The following PABIR3 variants were observed in gnomAD, a reference collection of about 807,000 sequenced individuals.
The protein encoded by PABIR3 is PABIR family member 1.
PABIR3 carries 20 observed loss-of-function variants against 23.1 expected under a neutral mutation model. The ratio of observed to expected loss-of-function variants is 0.86; its 90% CI spans 0.61 to 1.26. The LOEUF (loss-of-function observed/expected upper bound fraction) is 1.26, where lower values mean the gene tolerates loss of function less well. Among genes scored for constraint, PABIR3 ranks in the 50% most tolerant of loss-of-function variants. The pLI is 0.00. For synonymous variants in PABIR3, 69 were observed against 68.5 expected, an observed-to-expected ratio of 1.01 and a Z score of -0.04; for missense variants, 189 against 195.4, an observed-to-expected ratio of 0.97 and a Z score of 0.20.
rs1389271932 is a variant in PABIR3 at position 134,845,208 on chromosome X, G to T, written c.250G>T (p.Glu84Ter). Reference sequence around the variant, plus strand: ...TCTCATTTTCCTACCTTTACAGGAAGAAGCCATGGATTTAATAAATAGAGA... The same window carrying T: ...TCTCATTTTCCTACCTTTACAGGAATAAGCCATGGATTTAATAAATAGAGA... ...ISRLHQIKQE[E>*]AMDLINRETM... The change falls in exon 5 of 11, where the codon GAA becomes TAA. Residue 84 changes from glutamate to a stop codon, truncating the protein, a stop_gained. Transcript: ENST00000645433. LOFTEE classifies it high-confidence loss of function. 1 of 1,189,835 alleles carries T rather than the reference G, an allele frequency of 8.4e-7. No individual in the cohort carries two copies. Among genetic ancestry groups the T allele is most frequent in the Non-Finnish European group, 1.1e-6 (1 of 882,566 alleles).
chrX:134,826,868 T>G (rs1160194580), intron 3 of PABIR3, among the ~76,000 whole-genome samples: 1 of 112,453 alleles, frequency 8.9e-6, no homozygotes, highest in Non-Finnish European at 1.9e-5. Flanking sequence ...TAAGCAGCAA[T>G]ATGATACATT....
chrX:134,832,549 A>T (rs2081837884), intron 4 of PABIR3, among the ~76,000 whole-genome samples: 1 of 106,576 alleles, frequency 9.4e-6, no homozygotes, highest in Admixed American at 1.0e-4. Flanking sequence ...TTATAGGCCC[A>T]CGCCACCACG....
intron 3 of PABIR3, among the ~76,000 whole-genome samples, chrX:134,815,775 G>C (rs997732368): frequency 1.8e-5 from 2 of 109,742 alleles, no homozygotes; most frequent in African/African-American, 6.6e-5. Flanking sequence ...TACCTCCTGG[G>C]TTCAAGCTAT....
At chrX:134,846,255 C>T (rs904349915) in intron 6 of PABIR3, among the ~76,000 whole-genome samples, 2 of 111,787 alleles carry the variant, frequency 1.8e-5, no homozygotes, top group African/African-American at 6.5e-5. Flanking sequence ...TATTACCTCC[C>T]ACCAGGTTCC....
upstream of PABIR3, among the ~76,000 whole-genome samples, chrX:134,803,290 GTC>G (rs747892409): frequency 6.0e-3 from 672 of 111,543 alleles, 4 homozygotes; most frequent in Non-Finnish European, 0.011. Context: ...TGTGCCCTAG[GTC>G]TCTCAGAACA....
chrX:134,813,753 A>G (rs1180986481), intron 2 of PABIR3, among the ~76,000 whole-genome samples: 1 of 111,380 alleles, frequency 9.0e-6, no homozygotes, highest in Non-Finnish European at 1.9e-5. Flanking sequence ...CAGCGGGACG[A>G]CATCTCTGAA....
the PABIR3 span, among the ~76,000 whole-genome samples, chrX:134,859,973 GT>G: frequency 8.9e-6 from 1 of 111,963 alleles, no homozygotes; most frequent in Non-Finnish European, 1.9e-5. Flanking sequence ...GAGAGGAAGG[GT>G]TTAGTTTGCT....
At chrX:134,808,972 C>T (rs780405552) in intron 2 of PABIR3, among the ~76,000 whole-genome samples, 8 of 111,159 alleles carry the variant, frequency 7.2e-5, no homozygotes, top group African/African-American at 2.3e-4. Flanking sequence ...GTATAAAGCG[C>T]AGATATACAT....
At chrX:134,829,188 CA>C in intron 3 of PABIR3, 37 bp from the exon 4 acceptor site, 2 of 1,127,501 alleles carry the variant, frequency 1.8e-6, no homozygotes, top group Admixed American at 2.2e-5. Flanking sequence ...TAATCACAAA[CA>C]TTAAAGCAAG....
chrX:134,810,991 CT>C, intron 2 of PABIR3: 3 of 753,633 alleles, frequency 4.0e-6, no homozygotes, highest in Non-Finnish European at 4.7e-6. Flanking sequence ...ATTGTTGCAC[CT>C]CTTTCAAGTA....
Position 134,854,178 on chromosome X carries a change from T to C in PABIR3, c.774T>C (p.Ser258=). ...CTGAAATCGGCACTGTCACAAACTC[T>C]CCTGTGTCACCTTCTGATACTGGTT... is the stretch of plus-strand genomic sequence containing the variant. ...SSAEIGTVTN[S]PVSPSDTGSH... Residue 258 remains serine, a synonymous_variant, in exon 11 of 11, where the codon TCT becomes TCC. Coordinates refer to ENST00000645433, the MANE Select transcript of PABIR3 (RefSeq NM_001388447.1). The C allele has an allele frequency of 8.3e-7, 1 of 1,210,714 alleles. No homozygotes were observed. Among genetic ancestry groups the C allele is most frequent in the South Asian group, 1.8e-5 (1 of 56,900 alleles).
intron 6 of PABIR3, among the ~76,000 whole-genome samples, chrX:134,845,766 C>T (rs1328629967): frequency 8.9e-6 from 1 of 112,068 alleles, no homozygotes; most frequent in African/African-American, 3.2e-5. Context: ...TCAAAGTAAA[C>T]AGTTTTGTGA....
intron 4 of PABIR3, among the ~76,000 whole-genome samples, chrX:134,840,578 G>A (rs2082197385): frequency 9.0e-6 from 1 of 110,695 alleles, no homozygotes; most frequent in African/African-American, 3.3e-5. Context: ...TGAAGAAACT[G>A]ACGCTCAGGT....
At chrX:134,814,436 G>A (rs1480613115) in intron 2 of PABIR3, among the ~76,000 whole-genome samples, 1 of 111,775 alleles carries the variant, frequency 8.9e-6, no homozygotes, top group East Asian at 2.8e-4. Context: ...GGTGGATCAC[G>A]CCTGTAATCC....
chrX:134,854,963 T>C (rs778355558), downstream of PABIR3: 1 of 112,146 alleles, frequency 8.9e-6, no homozygotes, highest in African/African-American at 3.2e-5. Context: ...TACGTTTTAT[T>C]CATCATCATG....
the PABIR3 span, among the ~76,000 whole-genome samples, chrX:134,863,625 T>C: frequency 2.7e-5 from 3 of 111,458 alleles, no homozygotes; most frequent in African/African-American, 9.8e-5. Flanking sequence ...TTGATTGGCC[T>C]CTCAACTGAG....
At chrX:134,809,863 G>A (rs2080535821) in intron 2 of PABIR3, 1 of 752,238 alleles carries the variant, frequency 1.3e-6, no homozygotes, top group African/African-American at 2.3e-5. Flanking sequence ...TGAGGTAGGA[G>A]AGAATATATT....
At chrX:134,819,378 C>T (rs1307739907) in intron 3 of PABIR3, among the ~76,000 whole-genome samples, 1 of 111,638 alleles carries the variant, frequency 9.0e-6, no homozygotes, top group Non-Finnish European at 1.9e-5. Flanking sequence ...GTCATTTTAA[C>T]TTATTGGATG....
rs1042066912 is a variant in PABIR3 at position 134,845,089 on chromosome X, C to A, written c.247-116C>A. 3.0e-5 allele frequency: 17 copies of A among 573,747 alleles called. No individual in the cohort carries two copies. The Admixed American group carries it at 5.5e-4, about 19-fold the overall frequency. The allele number at this position is 573,747 out of a possible 1,213,427, so 47.3% of individuals were successfully genotyped here. On this transcript the variant is annotated intron_variant, in intron 4 of 10. Transcript: ENST00000645433. ...ATACTTGTTTAGAGATTTATTTATT[C>A]TCTAGTTCTTCTATAGCCTAGTGAA...
Sources: gnomAD v4.1 joint callset for allele counts (sites outside exome capture counted in the v4.1 genomes callset) on GRCh38, gnomAD v4.1.1 for gene constraint, MANE v1.5 for transcripts, NCBI Gene and HGNC (gene_info 2026-07-23, HGNC 2026-07-21) for gene names.